NKAIN1: variants seen among roughly 807,000 people sequenced by gnomAD.
NKAIN1 encodes the protein sodium/potassium-transporting ATPase subunit beta-1-interacting protein 1.
A neutral mutation model predicts 31.6 loss-of-function variants in NKAIN1; 13 were observed. The observed-to-expected ratio is 0.41, with a 90% CI of 0.27 to 0.65. The LOEUF (loss-of-function observed/expected upper bound fraction) is 0.65, where lower values mean the gene tolerates loss of function less well. Among genes scored for constraint, NKAIN1 ranks in the 30% least tolerant of loss-of-function variants. The pLI, the probability that NKAIN1 is intolerant of heterozygous loss-of-function variation, is 0.30. For missense variants in NKAIN1, 193 were observed against 262.2 expected, an observed-to-expected ratio of 0.74 and a Z score of 1.82; for synonymous variants, 104 against 109.0, an observed-to-expected ratio of 0.95 and a Z score of 0.28.
chr1:31,237,520 G>C (rs1326808997), intron 1 of NKAIN1, among the ~76,000 whole-genome samples: 1 of 147,950 alleles, frequency 6.8e-6, no homozygotes, highest in Non-Finnish European at 1.5e-5. Flanking sequence ...TTTTTTTTGA[G>C]ACACAGTTTC....
At chr1:31,229,959 C>A (rs913356890) in intron 1 of NKAIN1, among the ~76,000 whole-genome samples, 1 of 152,118 alleles carries the variant, frequency 6.6e-6, no homozygotes, top group African/African-American at 2.4e-5. Flanking sequence ...AGCCTGTGCC[C>A]ACGGCTCTCC....
chr1:31,203,696 T>C (rs1645402318), intron 1 of NKAIN1, among the ~76,000 whole-genome samples: 1 of 151,654 alleles, frequency 6.6e-6, no homozygotes, highest in Admixed American at 6.6e-5. Context: ...GCAATTCTCC[T>C]GCCTCAGCCT....
chr1:31,187,830 G>C (rs1645256101), intron 2 of NKAIN1, among the ~76,000 whole-genome samples: 1 of 150,990 alleles, frequency 6.6e-6, no homozygotes, highest in Non-Finnish European at 1.5e-5. Context: ...GTTTATATTT[G>C]GATTATTTCC....
At chr1:31,229,018 A>C (rs1231930011) in intron 1 of NKAIN1, among the ~76,000 whole-genome samples, 7 of 152,106 alleles carry the variant, frequency 4.6e-5, no homozygotes, top group Non-Finnish European at 1.0e-4. Context: ...CTCATTTCCC[A>C]CTTCATAGGC....
At chr1:31,227,386 G>T (rs1200235004) in intron 1 of NKAIN1, among the ~76,000 whole-genome samples, 1 of 152,192 alleles carries the variant, frequency 6.6e-6, no homozygotes, top group Non-Finnish European at 1.5e-5. Context: ...GCAAGACCTG[G>T]GTTTGCGCAG....
At chr1:31,186,650 A>T (rs1462332314) in intron 2 of NKAIN1, among the ~76,000 whole-genome samples, 1 of 152,118 alleles carries the variant, frequency 6.6e-6, no homozygotes, top group Non-Finnish European at 1.5e-5. Context: ...GACCCCAAGC[A>T]TAGAACGGGA....
chr1:31,199,611 A>C (rs370268623), intron 1 of NKAIN1, among the ~76,000 whole-genome samples: 50 of 152,138 alleles, frequency 3.3e-4, no homozygotes, highest in African/African-American at 9.6e-4. Flanking sequence ...GATGTGCCTG[A>C]GGGGAGGTGC....
Position 31,193,524 on chromosome 1 carries a change from G to A in NKAIN1, c.55-5337C>T, listed in dbSNP as rs148219607. Reference sequence around the variant, plus strand: ...AGCCTAGCCAACATGGGGAAAACTCGTCTCTACTAAAAATACAAAAAATTA... The same window carrying A: ...AGCCTAGCCAACATGGGGAAAACTCATCTCTACTAAAAATACAAAAAATTA... On this transcript the variant is annotated intron_variant, in intron 1 of 6. Transcript: ENST00000373736. 4.2e-3 allele frequency among the ~76,000 whole-genome samples: 641 copies of A among 151,874 alleles called. 36 individuals carry two copies. The East Asian group carries it at 0.099, about 23-fold the overall frequency.
intron 1 of NKAIN1, among the ~76,000 whole-genome samples, chr1:31,206,260 A>AATAAATAAATAAAT (rs56809902): frequency 4.9e-5 from 3 of 61,092 alleles, no homozygotes; most frequent in Non-Finnish European, 1.3e-4. Context: ...AAATAAAATA[A>AATAAATAAATAAAT]AAATAAATAA....
At chr1:31,193,223 C>T (rs1249998783) in intron 1 of NKAIN1, among the ~76,000 whole-genome samples, 11 of 151,664 alleles carry the variant, frequency 7.3e-5, no homozygotes, top group African/African-American at 2.4e-4. Flanking sequence ...CGCCCGCCAC[C>T]ACGCCCGGCT....
intron 1 of NKAIN1, among the ~76,000 whole-genome samples, chr1:31,232,570 T>G (rs1296630298): frequency 6.7e-6 from 1 of 150,234 alleles, no homozygotes; most frequent in East Asian, 2.0e-4. Context: ...ATTACAGGTG[T>G]GAGCCACCGC....
At chr1:31,182,994 T>C (rs536065566) in intron 4 of NKAIN1, among the ~76,000 whole-genome samples, 1 of 152,166 alleles carries the variant, frequency 6.6e-6, no homozygotes, top group African/African-American at 2.4e-5. Flanking sequence ...TTCCCTTCCT[T>C]TCCTTCTTTC....
intron 1 of NKAIN1, among the ~76,000 whole-genome samples, chr1:31,216,261 G>A (rs1442598654): frequency 1.3e-5 from 2 of 152,052 alleles, no homozygotes; most frequent in South Asian, 2.1e-4. Flanking sequence ...GGAGTGGAGC[G>A]AGGAGGGCAA....
rs1645657346 is a variant in NKAIN1 at position 31,232,409 on chromosome 1, ATATATAT to A, written c.54+7078_54+7084del. Reference sequence around the variant, plus strand: ...TCTGGCCTACTTCATATATATATATATATATATATATATATAGAGAGAGAGAGAGAGA... The same window carrying A: ...TCTGGCCTACTTCATATATATATATAATATATATAGAGAGAGAGAGAGAGA... On this transcript the variant is annotated intron_variant, in intron 1 of 6. Coordinates refer to ENST00000373736, the MANE Select transcript of NKAIN1 (RefSeq NM_024522.3). Among the ~76,000 whole-genome samples the A allele has an allele frequency of 2.2e-4, 7 of 32,042 alleles. 1 individual carries two copies. The highest frequency in any genetic ancestry group is 4.5e-4 in the Admixed American group (1 of 2,240). 21.0% of individuals were successfully genotyped at this position (32,042 alleles called of 152,430 possible).
chr1:31,196,373 C>T lies in NKAIN1; in HGVS notation c.55-8186G>A, dbSNP rs1189408759. Among the ~76,000 whole-genome samples, 10 of 152,154 alleles carry T rather than the reference C, an allele frequency of 6.6e-5. No individual in the cohort carries two copies. The East Asian group carries it at 7.7e-4, about 12-fold the overall frequency. On this transcript the variant is annotated intron_variant, in intron 1 of 6. Transcript: ENST00000373736. ...CTAAAAATACAAAAAATTAGCCAGG[C>T]GTGGTGGCGGGCGCCTGTAGTCCCA...
intron 2 of NKAIN1, among the ~76,000 whole-genome samples, chr1:31,187,443 G>T (rs1214537470): frequency 3.3e-5 from 5 of 152,138 alleles, no homozygotes; most frequent in African/African-American, 1.2e-4. Flanking sequence ...TGACCTCAAA[G>T]CCACACTAGC....
chr1:31,201,228 A>G (rs937904281), intron 1 of NKAIN1, among the ~76,000 whole-genome samples: 3 of 152,140 alleles, frequency 2.0e-5, no homozygotes, highest in Admixed American at 2.0e-4. Context: ...CATCTGTCCC[A>G]TTAGGAAACA....
At chr1:31,205,220 T>G (rs1645414140) in intron 1 of NKAIN1, among the ~76,000 whole-genome samples, 1 of 152,038 alleles carries the variant, frequency 6.6e-6, no homozygotes. Flanking sequence ...AACCTCTGTC[T>G]CCCGGGTTCA....
At position 31,239,042 on chromosome 1, in the gene NKAIN1, AC is replaced by A. The variant is rs1645712693; in HGVS notation, c.54+451del. On this transcript the variant is annotated intron_variant, in intron 1 of 6. Transcript: ENST00000373736. This position sits in a 1 kb window ranked among gnomAD's most constrained non-coding sequence, Gnocchi z 4.8. The stretch of plus-strand genomic sequence containing the variant: ...CGCCGGAGCAGAGACTTTGTGAGAA[AC>A]GCTCACACAGGGGTGGTGATCAGAG... 6.6e-6 allele frequency among the ~76,000 whole-genome samples: 1 copy of A among 152,130 alleles called. No homozygotes were observed. Among genetic ancestry groups the A allele is most frequent in the African/African-American group, 2.4e-5 (1 of 41,430 alleles).
Sources: allele counts gnomAD v4.1 joint callset (sites outside exome capture counted in the v4.1 genomes callset), GRCh38; gene constraint gnomAD v4.1.1; non-coding constraint Gnocchi (gnomAD v3.1); transcripts MANE v1.5; gene names NCBI Gene and HGNC (gene_info 2026-07-23, HGNC 2026-07-21).